Variants in SDK1 observed in about 807,000 individuals in gnomAD.
SDK1 encodes the protein protein sidekick-1.
In SDK1, 157 loss-of-function variants were observed where a neutral mutation model predicts 245.5. That is an observed-to-expected ratio of 0.64 (90% CI 0.56 to 0.73). The LOEUF (loss-of-function observed/expected upper bound fraction) is 0.73, where lower values mean the gene tolerates loss of function less well. SDK1 is among the 30% of genes least tolerant of loss of function. The pLI is 0.00. For missense variants in SDK1, 3,583 were observed against 3,002.3 expected, an observed-to-expected ratio of 1.19 and a Z score of -4.52; for synonymous variants, 1,647 against 1,278.5, an observed-to-expected ratio of 1.29 and a Z score of -6.15.
intron 1 of SDK1, among the ~76,000 whole-genome samples, chr7:3,543,397 G>C (rs929909238): frequency 6.6e-6 from 1 of 152,246 alleles, no homozygotes; most frequent in African/African-American, 2.4e-5. Context: ...CCCCATAGGG[G>C]AGCCATTCTT....
chr7:3,828,769 A>G (rs1334691307), intron 5 of SDK1, among the ~76,000 whole-genome samples: 1 of 148,990 alleles, frequency 6.7e-6, no homozygotes, highest in Non-Finnish European at 1.5e-5. Flanking sequence ...TTGCTGCCTC[A>G]GCCTTTTGAG....
chr7:3,946,425 C>T (rs1454217435), intron 5 of SDK1, among the ~76,000 whole-genome samples: 1 of 152,114 alleles, frequency 6.6e-6, no homozygotes, highest in Non-Finnish European at 1.5e-5. Context: ...AGTGATCCTC[C>T]CACCTCAGCG....
chr7:3,812,369 G>A (rs1312139186), intron 4 of SDK1, among the ~76,000 whole-genome samples: 15 of 152,156 alleles, frequency 9.9e-5, no homozygotes, highest in Admixed American at 9.8e-4. Flanking sequence ...AAACAAAGGT[G>A]TATCTGAACG....
intron 1 of SDK1, among the ~76,000 whole-genome samples, chr7:3,468,794 C>T (rs1251927412): frequency 6.6e-6 from 1 of 152,038 alleles, no homozygotes; most frequent in Admixed American, 6.6e-5. Context: ...GGACAACTTC[C>T]CTAGTATCTT....
intron 1 of SDK1, among the ~76,000 whole-genome samples, chr7:3,563,284 A>G (rs985220047): frequency 6.6e-6 from 1 of 152,250 alleles, no homozygotes; most frequent in African/African-American, 2.4e-5. Context: ...TAGAGTAATT[A>G]CAACGTATAT....
intron 5 of SDK1, among the ~76,000 whole-genome samples, chr7:3,824,196 A>G (rs1473490084): frequency 2.0e-5 from 3 of 152,188 alleles, no homozygotes; most frequent in Non-Finnish European, 4.4e-5. Flanking sequence ...AGATATTCTC[A>G]AGACCTATTG....
At chr7:4,102,003 G>A (rs1309765736) in intron 22 of SDK1, among the ~76,000 whole-genome samples, 1 of 152,114 alleles carries the variant, frequency 6.6e-6, no homozygotes, top group Non-Finnish European at 1.5e-5. Flanking sequence ...AAGATCCAAA[G>A]AATATTAAAC....
Position 4,265,249 on chromosome 7 carries a change from G to T in SDK1, c.6507G>T (p.Arg2169Ser). 1.2e-6 allele frequency: 2 copies of T among 1,604,288 alleles called. No homozygotes were observed. ...RAQGRAPAPHRYEAVAGSEAG... is the reference protein window; with the variant it reads ...RAQGRAPAPHSYEAVAGSEAG... ...AGGGCCGCGCACCTGCGCCGCACAG[G>T]TACGAGGCGGTGGCGGGCTCCGAGG... is the stretch of plus-strand genomic sequence containing the variant. Residue 2169 changes from arginine to serine, a missense_variant, in exon 45 of 45, where the codon AGG (arginine) becomes AGT (serine). Transcript: ENST00000404826.
At chr7:4,179,251 C>T (rs1782447336) in intron 35 of SDK1, 1 of 152,310 alleles carries the variant, frequency 6.6e-6, no homozygotes, top group African/African-American at 2.4e-5. Flanking sequence ...AAAGAGTTCC[C>T]TGACTTCACA....
chr7:3,435,715 A>G (rs1306588428), intron 1 of SDK1, among the ~76,000 whole-genome samples: 1 of 152,024 alleles, frequency 6.6e-6, no homozygotes, highest in African/African-American at 2.4e-5. Flanking sequence ...CCTACTTTAC[A>G]TGCCCCACCT....
At chr7:3,350,654 C>T (rs1159818608) in intron 1 of SDK1, among the ~76,000 whole-genome samples, 1 of 152,186 alleles carries the variant, frequency 6.6e-6, no homozygotes, top group Admixed American at 6.5e-5. Context: ...TTACCTTGAA[C>T]CACCAGTCAG....
rs111267032 is a variant in SDK1, at chr7:3,736,757, A to G, written c.714-84693A>G. On this transcript the variant is annotated intron_variant, in intron 4 of 44. Coordinates refer to ENST00000404826, the MANE Select transcript of SDK1 (RefSeq NM_152744.4). Reference sequence around the variant, plus strand: ...TTATCAAAATTAAGTAGGCACATTCATCACCTCACATAGTTACCATTCTTG... The same window carrying G: ...TTATCAAAATTAAGTAGGCACATTCGTCACCTCACATAGTTACCATTCTTG... 4.5e-3 allele frequency among the ~76,000 whole-genome samples: 689 copies of G among 152,336 alleles called. 10 individuals are homozygous for G. Among genetic ancestry groups the G allele is most frequent in the African/African-American group, 0.015 (636 of 41,568 alleles).
chr7:3,536,490 C>T lies in SDK1; in HGVS notation c.299-82590C>T, dbSNP rs555465053. Among the ~76,000 whole-genome samples, 399 of 152,078 alleles carry T rather than the reference C, an allele frequency of 2.6e-3. 2 individuals are homozygous for T. Among genetic ancestry groups the T allele is most frequent in the African/African-American group, 9.0e-3 (375 of 41,500 alleles). On this transcript the variant is annotated intron_variant, in intron 1 of 44. Coordinates refer to ENST00000404826, the MANE Select transcript of SDK1 (RefSeq NM_152744.4). The stretch of plus-strand genomic sequence containing the variant: ...GGCCAGGAGTTGAGACCAGCCTGGC[C>T]AACTTGGCGAAACCCTGTTTCTACT...
intron 4 of SDK1, among the ~76,000 whole-genome samples, chr7:3,785,782 T>G (rs1025492959): frequency 6.6e-6 from 1 of 152,194 alleles, no homozygotes; most frequent in Non-Finnish European, 1.5e-5. Flanking sequence ...AGACAGCCTC[T>G]TAAAAAGGTC....
intron 4 of SDK1, among the ~76,000 whole-genome samples, chr7:3,674,673 G>C (rs1050479067): frequency 2.6e-5 from 4 of 152,142 alleles, no homozygotes; most frequent in East Asian, 1.9e-4. Context: ...TTCAGTGTTT[G>C]ATAACTATAA....
At chr7:3,839,408 G>A (rs904300914) in intron 5 of SDK1, among the ~76,000 whole-genome samples, 1 of 152,156 alleles carries the variant, frequency 6.6e-6, no homozygotes, top group Non-Finnish European at 1.5e-5. Context: ...CAATCAAGTT[G>A]TCAGCCAATA....
At chr7:4,256,402 A>C (rs1365511458) in intron 44 of SDK1, among the ~76,000 whole-genome samples, 2 of 152,202 alleles carry the variant, frequency 1.3e-5, no homozygotes, top group Admixed American at 6.5e-5. Context: ...TGGTGCCTTA[A>C]CTCCAAGTTT....
intron 1 of SDK1, among the ~76,000 whole-genome samples, chr7:3,574,126 T>G (rs1444466189): frequency 1.3e-5 from 2 of 151,664 alleles, no homozygotes; most frequent in Non-Finnish European, 2.9e-5. Context: ...TTTTTTTCTT[T>G]TTTTTTTTGA....
chr7:4,102,926 A>T (rs1279068672), intron 22 of SDK1, among the ~76,000 whole-genome samples: 1 of 150,760 alleles, frequency 6.6e-6, no homozygotes, highest in Non-Finnish European at 1.5e-5. Context: ...AATATCATAA[A>T]GTACTGTTTA....
Sources: allele counts gnomAD v4.1 joint callset (sites outside exome capture counted in the v4.1 genomes callset), GRCh38; gene constraint gnomAD v4.1.1; transcripts MANE v1.5; gene names NCBI Gene and HGNC (gene_info 2026-07-23, HGNC 2026-07-21).